Variants in RPL23A observed in about 807,000 individuals in gnomAD.
RPL23A encodes large ribosomal subunit protein uL23.
RPL23A carries 2 observed loss-of-function variants against 17.6 expected under a neutral mutation model. The observed-to-expected ratio is 0.11, with a 90% CI of 0.05 to 0.36. The LOEUF (loss-of-function observed/expected upper bound fraction) is 0.36. Ranked by LOEUF, RPL23A falls within the 10% of genes least tolerant of loss-of-function variation. The pLI, the probability that RPL23A is intolerant of heterozygous loss-of-function variation, is 1.00. For synonymous variants in RPL23A, 65 were observed against 74.3 expected (o/e 0.87, Z 0.65); for missense variants, 132 against 194.4 (o/e 0.68, Z 1.91).
intron 2 of RPL23A, 187 bp downstream of exon 2, chr17:28,721,077 C>A: frequency 1.8e-6 from 1 of 550,168 alleles, no homozygotes; most frequent in South Asian, 2.0e-5. Flanking sequence ...AGAGGCCGGG[C>A]GCGGTGGCTC....
intron 2 of RPL23A, chr17:28,722,275 C>T (rs1308204705): frequency 4.0e-6 from 1 of 248,514 alleles, no homozygotes; most frequent in Admixed American, 4.7e-5. Flanking sequence ...GAATTTGCCC[C>T]TGGCCCGATT....
At chr17:28,721,220 C>T (rs915395671) in intron 2 of RPL23A, 6 of 253,084 alleles carry the variant, frequency 2.4e-5, no homozygotes, top group Non-Finnish European at 4.7e-5. Context: ...GGCATGGTGG[C>T]GCATGTCTGT....
intron 1 of RPL23A, chr17:28,720,500 A>G: frequency 1.9e-6 from 3 of 1,567,494 alleles, no homozygotes; most frequent in Non-Finnish European, 2.6e-6. Flanking sequence ...TTTGTTTCAT[A>G]GTCGTATCCC....
chr17:28,723,226 G>A, intron 3 of RPL23A: 1 of 535,380 alleles, frequency 1.9e-6, no homozygotes, highest in African/African-American at 1.9e-5. Flanking sequence ...AGGAATTACA[G>A]GCTGCTTTAG....
At chr17:28,720,932 C>T in intron 2 of RPL23A, 42 bp downstream of exon 2, 18 of 1,545,422 alleles carry the variant, frequency 1.2e-5, no homozygotes, top group Non-Finnish European at 1.6e-5. Context: ...TTTGGGTATT[C>T]TCCATTGGTA....
chr17:28,723,493 C>T (rs750144965), intron 3 of RPL23A, 78 bp from the exon 4 acceptor site: 24 of 989,544 alleles, frequency 2.4e-5, no homozygotes, highest in African/African-American at 8.1e-5. Flanking sequence ...ACTGAAGTGC[C>T]GGAGGACTGG....
chr17:28,720,452 C>T (rs750771577), intron 1 of RPL23A: 1 of 1,611,458 alleles, frequency 6.2e-7, no homozygotes, highest in Non-Finnish European at 8.5e-7. Context: ...ATTCGTAGGA[C>T]ATTTTCTGGA....
intron 2 of RPL23A, among the ~76,000 whole-genome samples, chr17:28,722,228 G>C (rs866735323): frequency 1.4e-5 from 2 of 144,674 alleles, no homozygotes; most frequent in African/African-American, 5.1e-5. Flanking sequence ...CAGCCTGGGC[G>C]AAGCGAGACT....
At chr17:28,720,914 T>G in intron 2 of RPL23A, 24 bp downstream of exon 2, 2 of 1,594,560 alleles carry the variant, frequency 1.3e-6, no homozygotes, top group Non-Finnish European at 1.7e-6. Flanking sequence ...CCTGTACCCA[T>G]GAAAAGATTT....
rs2034077912 is a variant in RPL23A, at chr17:28,720,146, T to C, written c.25+116T>C. 18 of 1,526,142 alleles carry C rather than the reference T, an allele frequency of 1.2e-5. No individual in the cohort carries two copies. In the South Asian group the frequency reaches 1.7e-4, roughly 14 times the overall value. 94.5% of individuals were successfully genotyped at this position (1,526,142 alleles called of 1,614,324 possible). ...CCTGAGGGCTCTGCTCCGGGGCTGC[T>C]CCCTGCGTTTCGGACACGCTGCAGT... On this transcript the variant is annotated intron_variant, in intron 1 of 4. Coordinates refer to ENST00000422514, the MANE Select transcript of RPL23A (RefSeq NM_000984.6).
chr17:28,723,498 G>T (rs780041792), intron 3 of RPL23A, 73 bp from the exon 4 acceptor site: 1 of 1,029,920 alleles, frequency 9.7e-7, no homozygotes, highest in East Asian at 2.4e-5. Context: ...AGTGCCGGAG[G>T]ACTGGAGGAG....
Position 28,723,658 on chromosome 17 carries a change from A to G in RPL23A, c.456+18A>G. On this transcript the variant is annotated intron_variant, in intron 4 of 4. Transcript: ENST00000422514. ...CCAACAAAGTAAGTTTCCTTCCTAC[A>G]AACCCCTTAATGCTCACCCCTTGGG... 6.2e-7 allele frequency: 1 copy of G among 1,610,850 alleles called. No homozygotes were observed. The highest frequency in any genetic ancestry group is 8.5e-7 in the Non-Finnish European group (1 of 1,176,994).
intron 2 of RPL23A, chr17:28,721,902 A>T (rs1206898415): frequency 6.6e-6 from 1 of 152,184 alleles, no homozygotes; most frequent in East Asian, 1.9e-4. Context: ...GCTGTGTTAC[A>T]GTTGTGCTTA....
At chr17:28,723,493 C>A (rs750144965) in intron 3 of RPL23A, 78 bp from the exon 4 acceptor site, 1 of 989,544 alleles carries the variant, frequency 1.0e-6, no homozygotes, top group Admixed American at 1.7e-5. Context: ...ACTGAAGTGC[C>A]GGAGGACTGG....
Position 28,720,752 on chromosome 17 carries a change from C to G in RPL23A, c.71C>G (p.Ala24Gly). ...GAAGCCAAAGCGAAGGCTTTAAAGG[C>G]CAAGAAGGCAGTGTTGAAAGGTGTC... is the stretch of plus-strand genomic sequence containing the variant. ...KAEAKAKALK[A>G]KKAVLKGVHS... The change falls in exon 2 of 5, where the codon GCC becomes GGC. Residue 24 changes from alanine to glycine, a missense_variant. By Grantham distance (60) the Ala-to-Gly change is moderately conservative. Transcript: ENST00000422514. The G allele has an allele frequency of 6.2e-7, 1 of 1,613,814 alleles. No individual in the cohort carries two copies. The highest frequency in any genetic ancestry group is 1.1e-5 in the South Asian group (1 of 91,074).
chr17:28,720,485 G>A (rs2034094899), intron 1 of RPL23A: 1 of 1,590,980 alleles, frequency 6.3e-7, no homozygotes, highest in Non-Finnish European at 8.6e-7. Context: ...TTCATTCAGT[G>A]CTACTTTGTT....
At chr17:28,722,316 C>G (rs2034130041) in intron 2 of RPL23A, 1 of 325,510 alleles carries the variant, frequency 3.1e-6, no homozygotes, top group Admixed American at 3.8e-5. Context: ...GTAGCTCGGA[C>G]TACAGGCGTG....
chr17:28,720,720 T>C lies in RPL23A; in HGVS notation c.39T>C (p.Pro13=). The C allele has an allele frequency of 6.2e-7, 1 of 1,614,014 alleles. No homozygotes were observed. The highest frequency in any genetic ancestry group is 8.5e-7 in the Non-Finnish European group (1 of 1,179,950). The change falls in exon 2 of 5, where the codon CCT becomes CCC. Residue 13 remains proline, a synonymous_variant. Coordinates refer to ENST00000422514, the MANE Select transcript of RPL23A (RefSeq NM_000984.6). ...PKAKKEAPAP[P]KAEAKAKALK... is the part of the protein sequence containing the mutation. ...CTTTTCTCCCAGCTCCTGCCCCTCC[T>C]AAAGCTGAAGCCAAAGCGAAGGCTT...
chr17:28,722,233 G>A (rs941649663), intron 2 of RPL23A, among the ~76,000 whole-genome samples: 2 of 134,022 alleles, frequency 1.5e-5, no homozygotes, highest in East Asian at 2.3e-4. Context: ...TGGGCGAAGC[G>A]AGACTCTGTC....
Sources: allele counts gnomAD v4.1 joint callset (sites outside exome capture counted in the v4.1 genomes callset), GRCh38; gene constraint gnomAD v4.1.1; transcripts MANE v1.5; gene names NCBI Gene and HGNC (gene_info 2026-07-23, HGNC 2026-07-21).